Variants in CCDC178 observed in about 807,000 individuals in gnomAD.
CCDC178 encodes coiled-coil domain containing 178, also known as coiled-coil domain-containing protein 178.
A neutral mutation model predicts 117.4 loss-of-function variants in CCDC178; 126 were observed. The observed-to-expected ratio is 1.07, with a 90% CI of 0.93 to 1.24. The LOEUF is 1.24. Among genes scored for constraint, CCDC178 ranks in the 50% most tolerant of loss-of-function variants. The pLI, the probability that CCDC178 is intolerant of heterozygous loss-of-function variation, is 0.00. For synonymous variants in CCDC178, 283 were observed against 313.4 expected (o/e 0.90, Z 1.02); for missense variants, 1,030 against 986.9 (o/e 1.04, Z -0.59).
intron 22 of CCDC178, among the ~76,000 whole-genome samples, chr18:32,948,817 C>T (rs1252337078): frequency 6.6e-6 from 1 of 151,914 alleles, no homozygotes; most frequent in Non-Finnish European, 1.5e-5. Flanking sequence ...ATCACATATT[C>T]CTTCATGTCA....
At chr18:33,328,660 TTATC>T (rs1477053149) in intron 10 of CCDC178, among the ~76,000 whole-genome samples, 2 of 152,304 alleles carry the variant, frequency 1.3e-5, no homozygotes, top group East Asian at 3.9e-4. Flanking sequence ...TCTACTTTAT[TTATC>T]TATTTCTTTA....
chr18:33,107,017 G>A (rs757970925), intron 20 of CCDC178, among the ~76,000 whole-genome samples: 1 of 151,634 alleles, frequency 6.6e-6, no homozygotes, highest in Non-Finnish European at 1.5e-5. Context: ...CAATTCAAAT[G>A]AGCAAGGAAA....
At chr18:33,007,768 A>T (rs2055781113) in intron 21 of CCDC178, among the ~76,000 whole-genome samples, 1 of 152,142 alleles carries the variant, frequency 6.6e-6, no homozygotes, top group Non-Finnish European at 1.5e-5. Flanking sequence ...TGACTGATTC[A>T]GGTCAACTGA....
chr18:33,140,099 A>G (rs1227806139), intron 20 of CCDC178, among the ~76,000 whole-genome samples: 1 of 152,202 alleles, frequency 6.6e-6, no homozygotes, highest in Non-Finnish European at 1.5e-5. Context: ...GGTGCACAGA[A>G]GTCAAGAGTT....
intron 10 of CCDC178, among the ~76,000 whole-genome samples, chr18:33,326,398 C>T (rs1200370715): frequency 2.0e-5 from 3 of 152,010 alleles, no homozygotes; most frequent in African/African-American, 7.2e-5. Context: ...AAAGGGAGGG[C>T]CAGCCTTTAG....
At chr18:33,299,418 ACCT>A (rs1195854899) in intron 11 of CCDC178, among the ~76,000 whole-genome samples, 1 of 151,904 alleles carries the variant, frequency 6.6e-6, no homozygotes, top group Non-Finnish European at 1.5e-5. Flanking sequence ...ATAAAAATAG[ACCT>A]CATCTCTTAC....
rs2057114610 is a variant in CCDC178 at position 33,071,846 on chromosome 18, A to C, written c.2388+20915T>G. On this transcript the variant is annotated intron_variant, in intron 21 of 22. Coordinates refer to ENST00000383096, the MANE Select transcript of CCDC178 (RefSeq NM_001105528.4). Reference sequence around the variant, plus strand: ...TGCTATTAGATAATTTGCAGTAAGTAATTTAGAGTGTGCTCATCAACTCTC... The same window carrying C: ...TGCTATTAGATAATTTGCAGTAAGTCATTTAGAGTGTGCTCATCAACTCTC... 2.6e-5 allele frequency among the ~76,000 whole-genome samples: 4 copies of C among 152,318 alleles called. No homozygotes were observed. In the South Asian group the frequency reaches 6.2e-4, roughly 24 times the overall value.
chr18:32,939,088 A>C (rs1005367420), intron 22 of CCDC178, among the ~76,000 whole-genome samples: 5 of 152,120 alleles, frequency 3.3e-5, no homozygotes, highest in African/African-American at 1.2e-4. Flanking sequence ...ATCCCTTAAA[A>C]GGTCCAGCTC....
Position 33,409,708 on chromosome 18 carries a change from T to C in CCDC178, c.58+2323A>G, listed in dbSNP as rs367780715. 1.6e-4 allele frequency among the ~76,000 whole-genome samples: 25 copies of C among 152,286 alleles called. No homozygotes were observed. In the East Asian group the frequency reaches 2.7e-3, roughly 16 times the overall value. ...TCAATGCTTTTCTGGATTAGCTGTA[T>C]GTTGTTTATAATGGCTGGTTGTCTT... On this transcript the variant is annotated intron_variant, in intron 3 of 22. Coordinates refer to ENST00000383096, the MANE Select transcript of CCDC178 (RefSeq NM_001105528.4).
intron 2 of CCDC178, among the ~76,000 whole-genome samples, chr18:33,425,401 T>A (rs952508893): frequency 6.6e-6 from 1 of 152,220 alleles, no homozygotes; most frequent in African/African-American, 2.4e-5. Context: ...GGGACTCACA[T>A]GCTGTCAGCA....
At chr18:33,376,786 T>G (rs1599241337) in intron 5 of CCDC178, among the ~76,000 whole-genome samples, 1 of 152,316 alleles carries the variant, frequency 6.6e-6, no homozygotes, top group East Asian at 1.9e-4. Context: ...TTGATTTCAT[T>G]CTTTTTTATG....
At chr18:33,194,968 A>C (rs2058911327) in intron 20 of CCDC178, among the ~76,000 whole-genome samples, 1 of 143,868 alleles carries the variant, frequency 7.0e-6, no homozygotes, top group African/African-American at 2.7e-5. Flanking sequence ...GAGAGAGAGA[A>C]AATAGCCAGG....
intron 10 of CCDC178, among the ~76,000 whole-genome samples, chr18:33,324,213 A>G (rs1242011834): frequency 1.3e-5 from 2 of 151,860 alleles, no homozygotes; most frequent in Non-Finnish European, 3.0e-5. Flanking sequence ...ATATCGCTGT[A>G]TCACATTACT....
rs8089670 is a variant in CCDC178, at chr18:32,993,965, C to T, written c.2389-19284G>A. Among the ~76,000 whole-genome samples, 1,407 of 152,198 alleles carry T rather than the reference C, an allele frequency of 9.2e-3. 21 individuals carry two copies. Among genetic ancestry groups the T allele is most frequent in the African/African-American group, 0.033 (1,351 of 41,516 alleles). On this transcript the variant is annotated intron_variant, in intron 21 of 22. Transcript: ENST00000383096. ...CACCACAGGTTAATTCTGTACAACA[C>T]AGTCCTGTGTTGCAACAGAGATTAC... is the stretch of plus-strand genomic sequence containing the variant.
At chr18:33,096,337 A>ATTTTTATATTTTATATAAAAATATAAAT (rs2057543617) in intron 20 of CCDC178, among the ~76,000 whole-genome samples, 1 of 108,770 alleles carries the variant, frequency 9.2e-6, no homozygotes, top group African/African-American at 5.1e-5. Flanking sequence ...AAAATATAAA[A>ATTTTTATATTTTATATAAAAATATAAAT]TTTTTATATT....
chr18:33,032,606 C>T (rs117553861), intron 21 of CCDC178, among the ~76,000 whole-genome samples: 2,012 of 152,034 alleles, frequency 0.013, 127 homozygotes, highest in Admixed American at 0.11. Flanking sequence ...TTGTTAGGGA[C>T]GCTATATAGG....
intron 21 of CCDC178, among the ~76,000 whole-genome samples, chr18:33,059,061 G>GA (rs1206494220): frequency 2.0e-5 from 3 of 151,912 alleles, no homozygotes; most frequent in African/African-American, 7.3e-5. Flanking sequence ...ACAGACTTAG[G>GA]AAAAATCAGG....
chr18:33,253,797 G>C (rs2144721743), intron 14 of CCDC178, among the ~76,000 whole-genome samples: 1 of 151,918 alleles, frequency 6.6e-6, no homozygotes, highest in African/African-American at 2.4e-5. Context: ...AAGTAGACCT[G>C]TATTCAAATC....
chr18:33,266,806 T>G, intron 14 of CCDC178, 110 bp downstream of exon 14: 1 of 1,119,556 alleles, frequency 8.9e-7, no homozygotes, highest in Non-Finnish European at 1.2e-6. Context: ...TTTAAGCTAC[T>G]GATAAACAAA....
Sources: allele counts gnomAD v4.1 joint callset (sites outside exome capture counted in the v4.1 genomes callset), GRCh38; gene constraint gnomAD v4.1.1; transcripts MANE v1.5; gene names NCBI Gene and HGNC (gene_info 2026-07-23, HGNC 2026-07-21).